ANTXRL: variants seen among roughly 807,000 people sequenced by gnomAD.
The protein encoded by ANTXRL is anthrax toxin receptor-like.
In ANTXRL, 63 loss-of-function variants were observed where a neutral mutation model predicts 75.4. The ratio of observed to expected loss-of-function variants is 0.84; its 90% confidence interval spans 0.68 to 1.03. The LOEUF (loss-of-function observed/expected upper bound fraction) is 1.03, where lower values mean the gene tolerates loss of function less well. Among genes scored for constraint, ANTXRL ranks in the 50% least tolerant of loss-of-function variants. The pLI is 0.00. For missense variants in ANTXRL, 797 were observed against 789.4 expected (o/e 1.01, Z -0.12); for synonymous variants, 335 against 291.3 (o/e 1.15, Z -1.53).
intron 7 of ANTXRL, 115 bp from the exon 8 acceptor site, chr10:46,297,716 A>T: frequency 9.9e-7 from 1 of 1,009,206 alleles, no homozygotes; most frequent in Non-Finnish European, 1.5e-6. Context: ...TGACATTCAG[A>T]GCCTGACATT....
At chr10:46,310,428 C>G in intron 13 of ANTXRL, 33 bp from the exon 14 acceptor site, 1 of 1,535,472 alleles carries the variant, frequency 6.5e-7, no homozygotes, top group Non-Finnish European at 8.7e-7. Flanking sequence ...CCACCCCCAT[C>G]CAGCCTGTGT....
intron 16 of ANTXRL, among the ~76,000 whole-genome samples, chr10:46,314,004 C>T (rs2132842008): frequency 6.6e-6 from 1 of 152,326 alleles, no homozygotes; most frequent in African/African-American, 2.4e-5. Context: ...CTGGCTCGGC[C>T]TGGGACTCAT....
At chr10:46,292,581 A>T (rs1837039910) in intron 2 of ANTXRL, among the ~76,000 whole-genome samples, 2 of 152,058 alleles carry the variant, frequency 1.3e-5, no homozygotes, top group South Asian at 4.1e-4. Context: ...AAGACAGGGG[A>T]CCTGTGGTGG....
chr10:46,307,241 A>T (rs1388901255), intron 11 of ANTXRL, among the ~76,000 whole-genome samples, 161 bp from the exon 12 acceptor site: 2 of 152,130 alleles, frequency 1.3e-5, no homozygotes, highest in Non-Finnish European at 2.9e-5. Context: ...ATGAGACCCC[A>T]TGCAGGGCCC....
intron 1 of ANTXRL, among the ~76,000 whole-genome samples, chr10:46,287,794 G>C (rs1359450991): frequency 2.0e-5 from 3 of 152,164 alleles, no homozygotes; most frequent in African/African-American, 7.2e-5. Context: ...TCATCCTCAC[G>C]CTGCTGCAAC....
chr10:46,324,244 G>A (rs1554966059), intron 16 of ANTXRL, among the ~76,000 whole-genome samples: 1 of 152,094 alleles, frequency 6.6e-6, no homozygotes, highest in Non-Finnish European at 1.5e-5. Context: ...GCAATGCCTG[G>A]GAAAAATAGA....
At chr10:46,319,809 G>C (rs1838896994) in intron 16 of ANTXRL, among the ~76,000 whole-genome samples, 1 of 152,106 alleles carries the variant, frequency 6.6e-6, no homozygotes, top group Non-Finnish European at 1.5e-5. Flanking sequence ...CCTTTCTCTT[G>C]AGAGATTTTC....
chr10:46,323,474 A>G (rs1839074207), intron 16 of ANTXRL, among the ~76,000 whole-genome samples: 2 of 152,174 alleles, frequency 1.3e-5, no homozygotes, highest in African/African-American at 2.4e-5. Flanking sequence ...GAAGAATTTC[A>G]TAAGATGCTA....
intron 16 of ANTXRL, among the ~76,000 whole-genome samples, chr10:46,315,998 A>G (rs566107000): frequency 6.6e-6 from 1 of 152,248 alleles, no homozygotes; most frequent in East Asian, 1.9e-4. Context: ...TACAAAATGA[A>G]GCAGCACAAC....
chr10:46,294,718 G>A (rs1837260182), intron 3 of ANTXRL, among the ~76,000 whole-genome samples: 1 of 152,160 alleles, frequency 6.6e-6, no homozygotes, highest in Admixed American at 6.5e-5. Flanking sequence ...GTCTATGGGG[G>A]AGGACTGTGG....
Position 46,287,191 on chromosome 10 carries a change from C to G in ANTXRL, c.-72C>G, listed in dbSNP as rs1240839386. ...ATAAGGGGAGGCGGCAAAGAAGGGG[C>G]CTGTGCTCAGCCTCTCTGGGCCCTG... On this transcript the variant is annotated 5_prime_UTR_variant, in exon 1 of 17. Transcript: ENST00000620264. 1 of 1,500,388 alleles carries G rather than the reference C, an allele frequency of 6.7e-7. No homozygotes were observed. The highest frequency in any genetic ancestry group is 1.4e-5 in the African/African-American group (1 of 71,698). 92.9% of individuals were successfully genotyped at this position (1,500,388 alleles called of 1,614,324 possible).
At chr10:46,286,774 C>A (rs1836783636), upstream of ANTXRL, among the ~76,000 whole-genome samples, 1 of 152,118 alleles carries the variant, frequency 6.6e-6, no homozygotes, top group Non-Finnish European at 1.5e-5. Context: ...CCTCCTCACC[C>A]ACAGCAATGT....
rs868933377 is a variant in ANTXRL, at chr10:46,297,166, G to A, written c.509-86G>A. ...TGCCCTGGAGTGGGCAGCGCTGTGG[G>A]CCCAGCCATCTGCAGGGGTTCCGGA... is the stretch of plus-strand genomic sequence containing the variant. On this transcript the variant is annotated intron_variant, in intron 5 of 16. Transcript: ENST00000620264. 6.2e-6 allele frequency: 7 copies of A among 1,134,924 alleles called. No homozygotes were observed. In the Middle Eastern group the frequency reaches 6.4e-4, roughly 103 times the overall value. 70.3% of individuals were successfully genotyped at this position (1,134,924 alleles called of 1,614,324 possible). A position where few individuals can be genotyped will look rare whatever the true frequency, so the allele number is the denominator to read the frequency against.
rs574851275 is a variant in ANTXRL at position 46,327,366 on chromosome 10, G to A, written c.1411-2233G>A. ...GGGAGGACTAGATTTGGGGATGGGT[G>A]GAGTCAGGGAGAGCAGGCTAACACA... On this transcript the variant is annotated intron_variant, in intron 16 of 16. Transcript: ENST00000620264. 2.0e-5 allele frequency among the ~76,000 whole-genome samples: 3 copies of A among 152,202 alleles called. No homozygotes were observed. The South Asian group carries it at 6.2e-4, about 32-fold the overall frequency.
chr10:46,305,201 C>T (rs1315745422), intron 10 of ANTXRL, among the ~76,000 whole-genome samples: 1 of 152,282 alleles, frequency 6.6e-6, no homozygotes, highest in Admixed American at 6.5e-5. Context: ...GCGGCTGATG[C>T]CAGCCTGGAG....
rs1837488891 is a variant in ANTXRL at position 46,297,987 on chromosome 10, C to T, written c.736-15C>T. ...CTCACTCTCCCTGTCCCGCCCCACC[C>T]CTCCTGTGTTCCAGCTCACGTCAAA... is the stretch of plus-strand genomic sequence containing the variant. On this transcript the variant is annotated splice_polypyrimidine_tract_variant and intron_variant, in intron 8 of 16. Transcript: ENST00000620264. The T allele has an allele frequency of 2.0e-6, 3 of 1,535,778 alleles. No homozygotes were observed. Among genetic ancestry groups the T allele is most frequent in the Non-Finnish European group, 2.6e-6 (3 of 1,146,746 alleles).
At chr10:46,288,062 G>T (rs1460660353) in intron 1 of ANTXRL, among the ~76,000 whole-genome samples, 1 of 151,936 alleles carries the variant, frequency 6.6e-6, no homozygotes, top group Non-Finnish European at 1.5e-5. Context: ...GAACAGTTTG[G>T]TCTGTTTCAG....
In ANTXRL at chr10:46,302,812, C is replaced by T; in HGVS notation, c.887C>T (p.Thr296Ile). The change falls in exon 10 of 17, where the codon ACT becomes ATT. Residue 296 changes from threonine (T) to isoleucine (I), a missense_variant. By Grantham distance (89) the Thr-to-Ile change is moderately conservative (BLOSUM62 -1). Transcript: ENST00000620264. ...VICRFIFNESTIIDEKPTSID... is the reference protein window; with the variant it reads ...VICRFIFNESIIIDEKPTSID... ...TGCAGATTTATCTTCAATGAAAGCA[C>T]TATCATTGGTAAGTTGTCTCCTCTG... 1.3e-6 allele frequency: 2 copies of T among 1,534,160 alleles called. No homozygotes were observed.
intron 16 of ANTXRL, among the ~76,000 whole-genome samples, chr10:46,323,379 G>A (rs1554965935): frequency 6.6e-6 from 1 of 152,164 alleles, no homozygotes; most frequent in Non-Finnish European, 1.5e-5. Flanking sequence ...ACACAATTGT[G>A]GTCATCACCA....
Sources: allele counts gnomAD v4.1 joint callset (sites outside exome capture counted in the v4.1 genomes callset), GRCh38; gene constraint gnomAD v4.1.1; transcripts MANE v1.5; gene names NCBI Gene and HGNC (gene_info 2026-07-23, HGNC 2026-07-21).